The following MAGI1 variants were observed in gnomAD, a reference collection of about 807,000 sequenced individuals.
MAGI1 encodes membrane-associated guanylate kinase, WW and PDZ domain-containing protein 1.
Under a neutral mutation model 139.9 loss-of-function variants are expected in MAGI1, and 58 were observed. The ratio of observed to expected loss-of-function variants is 0.41; its 90% CI spans 0.34 to 0.52. MAGI1 has a LOEUF of 0.52. Among genes scored for constraint, MAGI1 ranks in the 20% least tolerant of loss-of-function variants. The pLI is 0.12. For missense variants in MAGI1, 1,874 were observed against 1,901.6 expected (o/e 0.99, Z 0.27); for synonymous variants, 812 against 737.9 (o/e 1.10, Z -1.63).
intron 1 of MAGI1, among the ~76,000 whole-genome samples, chr3:65,682,466 G>A (rs1356551332): frequency 6.6e-6 from 1 of 152,110 alleles, no homozygotes; most frequent in Non-Finnish European, 1.5e-5. Flanking sequence ...GCAAAGTAAG[G>A]ATATAATCTT....
At chr3:65,564,199 A>G (rs1038831211) in intron 2 of MAGI1, among the ~76,000 whole-genome samples, 1 of 152,108 alleles carries the variant, frequency 6.6e-6, no homozygotes, top group Non-Finnish European at 1.5e-5. Flanking sequence ...GACCTCATGA[A>G]GCCTGGACCA....
intron 5 of MAGI1, among the ~76,000 whole-genome samples, chr3:65,458,839 G>T (rs903711837): frequency 6.6e-6 from 1 of 152,096 alleles, no homozygotes; most frequent in Admixed American, 6.5e-5. Context: ...TGCTTTGGTT[G>T]CCTGTGCTTA....
chr3:65,662,046 C>A (rs1408619287), intron 1 of MAGI1, among the ~76,000 whole-genome samples: 1 of 152,042 alleles, frequency 6.6e-6, no homozygotes, highest in Admixed American at 6.6e-5. Flanking sequence ...CATGCCCAGC[C>A]TCATCTTTGT....
chr3:65,359,195 GGAGA>G, intron 22 of MAGI1: 1 of 1,604,566 alleles, frequency 6.2e-7, no homozygotes, highest in Non-Finnish European at 8.5e-7. Flanking sequence ...TCAGAGAGAA[GGAGA>G]AAGAGAGAAA....
chr3:65,818,849 C>G (rs1403015872), intron 1 of MAGI1, among the ~76,000 whole-genome samples: 1 of 152,188 alleles, frequency 6.6e-6, no homozygotes, highest in African/African-American at 2.4e-5. Context: ...ATGCAGAAGA[C>G]TCCTAGAACA....
chr3:65,878,867 T>C (rs1007817504), intron 1 of MAGI1, among the ~76,000 whole-genome samples: 5 of 151,984 alleles, frequency 3.3e-5, no homozygotes, highest in African/African-American at 1.2e-4. Context: ...ACGAAACAGG[T>C]ATAGGTAGGG....
chr3:65,503,443 C>T (rs1365348692), intron 2 of MAGI1, among the ~76,000 whole-genome samples: 2 of 152,294 alleles, frequency 1.3e-5, no homozygotes, highest in East Asian at 3.9e-4. Context: ...AAACTCTCAA[C>T]TATGATAACA....
chr3:65,653,760 T>A (rs949825775), intron 1 of MAGI1, among the ~76,000 whole-genome samples: 1 of 152,134 alleles, frequency 6.6e-6, no homozygotes, highest in Non-Finnish European at 1.5e-5. Flanking sequence ...GGGTTGTGAG[T>A]TGGGGAAGAA....
chr3:65,493,723 A>G, intron 2 of MAGI1, 92 bp from the exon 3 acceptor site: 1 of 1,458,850 alleles, frequency 6.9e-7, no homozygotes, highest in Non-Finnish European at 9.4e-7. Flanking sequence ...CCTGTTCAGT[A>G]AGAGGGCGTA....
At chr3:65,872,604 A>G (rs1006479361) in intron 1 of MAGI1, among the ~76,000 whole-genome samples, 3 of 152,216 alleles carry the variant, frequency 2.0e-5, no homozygotes, top group African/African-American at 7.2e-5. Flanking sequence ...TATGTCTACC[A>G]AAACACTCAG....
At chr3:65,975,539 C>T (rs1451026631) in intron 1 of MAGI1, among the ~76,000 whole-genome samples, 3 of 151,892 alleles carry the variant, frequency 2.0e-5, no homozygotes, top group Non-Finnish European at 2.9e-5. Flanking sequence ...GCGGATCGTT[C>T]GAGCCTAGGA....
At chr3:65,441,960 A>T (rs1048840532) in intron 8 of MAGI1, among the ~76,000 whole-genome samples, 1 of 152,230 alleles carries the variant, frequency 6.6e-6, no homozygotes, top group African/African-American at 2.4e-5. Flanking sequence ...TATGACAGTT[A>T]CATCTTCAGT....
In MAGI1 at chr3:65,356,586, C is replaced by T; in HGVS notation, c.4181G>A (p.Arg1394His). The T allele has an allele frequency of 6.3e-7, 1 of 1,598,190 alleles. No homozygotes were observed. Among genetic ancestry groups the T allele is most frequent in the Non-Finnish European group, 8.5e-7 (1 of 1,172,922 alleles). ...CCTCCGGTCGGTGGACTTGGCCCTG[C>T]GCTCGGGCGAGCCCCCTCTCCTGCG... ...PERRRGGSPE[R>H]RAKSTDRRRA... Residue 1394 changes from arginine to histidine, a missense_variant, in exon 23 of 23, where the codon CGC becomes CAC. Arg to His is a conservative substitution (Grantham distance 29). Around this residue, in one of 5 missense-constraint regions of MAGI1, gnomAD observed 653 missense variants for 644.5 expected, o/e 1.01. Coordinates refer to ENST00000402939, the MANE Select transcript of MAGI1 (RefSeq NM_001033057.2).
intron 1 of MAGI1, among the ~76,000 whole-genome samples, chr3:65,787,580 A>G (rs950793767): frequency 5.3e-5 from 8 of 150,058 alleles, no homozygotes; most frequent in African/African-American, 1.2e-4. Context: ...TGCTGGAAAT[A>G]TAACAGCAAG....
At chr3:65,874,560 A>G (rs952526440) in intron 1 of MAGI1, 29 of 152,234 alleles carry the variant, frequency 1.9e-4, no homozygotes, top group African/African-American at 7.0e-4. Context: ...ACAAATGAAA[A>G]ACACAATGAG....
At chr3:66,010,490 C>T (rs2067270564) in intron 1 of MAGI1, among the ~76,000 whole-genome samples, 1 of 152,204 alleles carries the variant, frequency 6.6e-6, no homozygotes, top group African/African-American at 2.4e-5. Context: ...ATGAAAGAAA[C>T]TGCCTCTTGA....
At chr3:65,609,507 G>A (rs529715624) in intron 2 of MAGI1, among the ~76,000 whole-genome samples, 6 of 151,768 alleles carry the variant, frequency 4.0e-5, no homozygotes, top group African/African-American at 1.4e-4. Flanking sequence ...TTGAACTCCC[G>A]ACCTCAAGCA....
Position 65,478,730 on chromosome 3 carries a change from A to C in MAGI1, c.619T>G (p.Leu207Val). 6.2e-7 allele frequency: 1 copy of C among 1,614,090 alleles called. No homozygotes were observed. The highest frequency in any genetic ancestry group is 8.5e-7 in the Non-Finnish European group (1 of 1,179,976). The part of the protein sequence containing the change: ...VSGKVITTDA[L>V]HSLQSGSKQS... ...TTAGAGCCAGACTGAAGGCTGTGCAAGGCATCCGTCGTGATCACTTTCCCA... is the reference window on the plus strand; with the variant it reads ...TTAGAGCCAGACTGAAGGCTGTGCACGGCATCCGTCGTGATCACTTTCCCA... The change falls in exon 4 of 23, where the codon TTG (leucine) becomes GTG (valine). Residue 207 changes from leucine to valine, a missense_variant. Coordinates refer to ENST00000402939, the MANE Select transcript of MAGI1 (RefSeq NM_001033057.2).
chr3:65,552,606 G>C (rs2079891912), intron 2 of MAGI1, among the ~76,000 whole-genome samples: 1 of 152,134 alleles, frequency 6.6e-6, no homozygotes, highest in Non-Finnish European at 1.5e-5. Flanking sequence ...TGAGGGCTTG[G>C]TGGTGATGTC....
Sources: allele counts gnomAD v4.1 joint callset (sites outside exome capture counted in the v4.1 genomes callset), GRCh38; gene constraint gnomAD v4.1.1; regional missense constraint gnomAD v4.1.1; transcripts MANE v1.5; gene names NCBI Gene and HGNC (gene_info 2026-07-23, HGNC 2026-07-21).